Variants in NRXN1 observed in about 807,000 individuals in gnomAD.
NRXN1 encodes the protein neurexin 1, also known as neurexin-1.
A neutral mutation model predicts 150.9 loss-of-function variants in NRXN1; 39 were observed. That is an observed-to-expected ratio of 0.26 (90% CI 0.20 to 0.34). NRXN1 has a LOEUF of 0.34. NRXN1 is among the 10% of genes least tolerant of loss of function. The probability of loss-of-function intolerance (pLI) is 1.00; values close to 1 mark genes in which losing one functional copy is unlikely to be tolerated. For synonymous variants in NRXN1, 924 were observed against 757.0 expected (o/e 1.22, Z -3.62); for missense variants, 1,815 against 1,949.9 (o/e 0.93, Z 1.30).
At position 50,594,892 on chromosome 2, in the gene NRXN1, C is replaced by T. The variant is rs576099621; in HGVS notation, c.1320+25130G>A. Among the ~76,000 whole-genome samples the T allele has an allele frequency of 2.6e-4, 40 of 151,936 alleles. No homozygotes were observed. In the South Asian group the frequency reaches 8.3e-3, roughly 32 times the overall value. ...GCTCAGGGCTAATCACTCCACGATG[C>T]TTTAAATCCAACTCATTTATTCATT... is the stretch of plus-strand genomic sequence containing the variant. On this transcript the variant is annotated intron_variant, in intron 8 of 22. Coordinates refer to ENST00000401669, the MANE Select transcript of NRXN1 (RefSeq NM_001330078.2).
chr2:51,022,542 C>T (rs561188100), intron 2 of NRXN1, among the ~76,000 whole-genome samples: 1 of 152,126 alleles, frequency 6.6e-6, no homozygotes, highest in East Asian at 1.9e-4. Context: ...TAAACAGATG[C>T]CTTTCACTGT....
intron 5 of NRXN1, among the ~76,000 whole-genome samples, chr2:50,663,166 A>T (rs1239457818): frequency 6.6e-6 from 1 of 152,036 alleles, no homozygotes; most frequent in African/African-American, 2.4e-5. Context: ...TAAACCGTTC[A>T]TCATGTCCTT....
chr2:50,209,936 A>G (rs2062891242), intron 18 of NRXN1, among the ~76,000 whole-genome samples: 1 of 152,162 alleles, frequency 6.6e-6, no homozygotes, highest in South Asian at 2.1e-4. Context: ...CTATATATGT[A>G]CTGTTCTATG....
At chr2:50,448,824 C>A (rs1250014283) in intron 17 of NRXN1, among the ~76,000 whole-genome samples, 3 of 152,092 alleles carry the variant, frequency 2.0e-5, no homozygotes, top group Non-Finnish European at 4.4e-5. Flanking sequence ...TGAACAGAAG[C>A]ACGTGGCTCC....
chr2:51,011,536 ATGATGGG>A (rs1481492551), intron 2 of NRXN1, among the ~76,000 whole-genome samples: 2 of 152,022 alleles, frequency 1.3e-5, no homozygotes, highest in Non-Finnish European at 2.9e-5. Context: ...TGGGTTTTAA[ATGATGGG>A]TGAAATTTCA....
At chr2:50,088,675 CTTA>C (rs754023398) in intron 19 of NRXN1, among the ~76,000 whole-genome samples, 2 of 152,076 alleles carry the variant, frequency 1.3e-5, no homozygotes, top group Non-Finnish European at 2.9e-5. Context: ...CATTGTGTTT[CTTA>C]TTCTGAACAA....
intron 12 of NRXN1, among the ~76,000 whole-genome samples, chr2:50,510,033 C>T (rs1436337556): frequency 6.6e-6 from 1 of 152,104 alleles, no homozygotes; most frequent in African/African-American, 2.4e-5. Flanking sequence ...AAGGCCCTCA[C>T]CAAGAGCCAA....
chr2:50,019,947 CAAAAAAAAA>C (rs1161865745), intron 21 of NRXN1, among the ~76,000 whole-genome samples: 16,115 of 43,460 alleles, frequency 0.37, 2,274 homozygotes, highest in Admixed American at 0.52. Flanking sequence ...GACTCCGTCT[CAAAAAAAAA>C]AAAAAAAAAA....
chr2:50,985,570 C>A (rs1409077708), intron 2 of NRXN1: 1 of 151,604 alleles, frequency 6.6e-6, no homozygotes, highest in East Asian at 1.9e-4. Context: ...AATGAAACCA[C>A]TCTGAAAGAA....
chr2:50,577,038 T>C (rs1356306206), intron 8 of NRXN1, among the ~76,000 whole-genome samples: 2 of 152,112 alleles, frequency 1.3e-5, no homozygotes, highest in Non-Finnish European at 2.9e-5. Flanking sequence ...ATATTCCCAC[T>C]ATGGCAAGTG....
chr2:50,646,708 C>CTTTTTTTTTTTTTTTTTTT (rs552231598), intron 5 of NRXN1, among the ~76,000 whole-genome samples: 1 of 107,436 alleles, frequency 9.3e-6, no homozygotes. Flanking sequence ...TTCATGTTGT[C>CTTTTTTTTTTTTTTTTTTT]TTTTTTTTTT....
At chr2:50,578,731 C>A (rs1214500073) in intron 8 of NRXN1, among the ~76,000 whole-genome samples, 1 of 151,578 alleles carries the variant, frequency 6.6e-6, no homozygotes, top group Non-Finnish European at 1.5e-5. Context: ...AATGCTAAAG[C>A]TTTTTAATTT....
intron 17 of NRXN1, among the ~76,000 whole-genome samples, chr2:50,239,888 A>G (rs2065857745): frequency 6.6e-6 from 1 of 150,556 alleles, no homozygotes; most frequent in African/African-American, 2.4e-5. Context: ...ATACTTTTAA[A>G]AAGAGAAAAA....
At chr2:50,856,664 T>A (rs1483921090) in intron 5 of NRXN1, among the ~76,000 whole-genome samples, 2 of 152,138 alleles carry the variant, frequency 1.3e-5, no homozygotes, top group East Asian at 1.9e-4. Context: ...GTATTCCTTT[T>A]TAATTGTCGT....
chr2:50,822,667 TATG>T (rs1188112803), intron 5 of NRXN1, among the ~76,000 whole-genome samples: 1 of 152,130 alleles, frequency 6.6e-6, no homozygotes, highest in African/African-American at 2.4e-5. Flanking sequence ...CTTTTAAATT[TATG>T]ATAAGATAAT....
At chr2:50,678,751 G>A (rs532940467) in intron 5 of NRXN1, among the ~76,000 whole-genome samples, 29 of 152,078 alleles carry the variant, frequency 1.9e-4, no homozygotes, top group Admixed American at 1.4e-3. Flanking sequence ...TGCCAGACTG[G>A]ACTGTATATG....
chr2:50,030,746 C>G (rs961837111), intron 21 of NRXN1, among the ~76,000 whole-genome samples: 1 of 152,070 alleles, frequency 6.6e-6, no homozygotes. Context: ...CAATGTATAA[C>G]TTAAAATGAA....
chr2:50,092,083 G>A (rs2152698295), intron 18 of NRXN1, among the ~76,000 whole-genome samples: 1 of 152,246 alleles, frequency 6.6e-6, no homozygotes, highest in South Asian at 2.1e-4. Context: ...TGATAACACA[G>A]GAAGGTACAA....
chr2:50,068,503 A>G (rs1412923543), intron 19 of NRXN1, among the ~76,000 whole-genome samples: 1 of 152,192 alleles, frequency 6.6e-6, no homozygotes, highest in Non-Finnish European at 1.5e-5. Flanking sequence ...TAAGATAATG[A>G]GCTCTAATTC....
Sources: gnomAD v4.1 joint callset for allele counts (sites outside exome capture counted in the v4.1 genomes callset) on GRCh38, gnomAD v4.1.1 for gene constraint, MANE v1.5 for transcripts, NCBI Gene and HGNC (gene_info 2026-07-23, HGNC 2026-07-21) for gene names.